FRAS1: variants seen among roughly 807,000 people sequenced by gnomAD.
FRAS1 encodes the protein Fraser extracellular matrix complex subunit 1, also known as extracellular matrix organizing protein FRAS1.
A neutral mutation model predicts 435.2 loss-of-function variants in FRAS1; 290 were observed. The ratio of observed to expected loss-of-function variants is 0.67; its 90% confidence interval spans 0.61 to 0.73. FRAS1 has a LOEUF of 0.73. Among genes scored for constraint, FRAS1 ranks in the 30% least tolerant of loss-of-function variants. The pLI, the probability that FRAS1 is intolerant of heterozygous loss-of-function variation, is 0.00. For missense variants in FRAS1, 4,860 were observed against 5,001.5 expected (o/e 0.97, Z 0.85); for synonymous variants, 1,800 against 1,851.0 (o/e 0.97, Z 0.71).
At chr4:78,175,794 T>A (rs1259054726) in intron 2 of FRAS1, among the ~76,000 whole-genome samples, 1 of 152,126 alleles carries the variant, frequency 6.6e-6, no homozygotes, top group Non-Finnish European at 1.5e-5. Context: ...CCACCCTCCC[T>A]CTGATCTTCT....
intron 6 of FRAS1, among the ~76,000 whole-genome samples, chr4:78,260,134 T>C (rs1186836703): frequency 1.3e-5 from 2 of 151,942 alleles, no homozygotes; most frequent in Non-Finnish European, 2.9e-5. Flanking sequence ...AGTCAGGTAG[T>C]GTGATGCCTC....
intron 2 of FRAS1, among the ~76,000 whole-genome samples, chr4:78,143,651 T>G (rs566968287): frequency 1.1e-3 from 167 of 151,938 alleles, no homozygotes; most frequent in Non-Finnish European, 1.9e-3. Flanking sequence ...GTCCCAGCAC[T>G]TTGGGAGGCC....
chr4:78,384,055 T>A lies in FRAS1; in HGVS notation c.3564-4T>A, dbSNP rs1393574784. On this transcript the variant is annotated splice_polypyrimidine_tract_variant and splice_region_variant and intron_variant, in intron 27 of 73. Transcript: ENST00000512123. ...TCTTATTCCTTTCTTTGGGACTTCT[T>A]TAGGAAAGGTTACCTTTTCCTGAAA... 6.2e-7 allele frequency: 1 copy of A among 1,602,642 alleles called. No individual in the cohort carries two copies. Among genetic ancestry groups the A allele is most frequent in the East Asian group, 2.2e-5 (1 of 44,670 alleles).
intron 14 of FRAS1, among the ~76,000 whole-genome samples, chr4:78,301,702 T>G (rs1477771081): frequency 6.6e-6 from 1 of 152,142 alleles, no homozygotes; most frequent in Non-Finnish European, 1.5e-5. Flanking sequence ...TGGAGGACCA[T>G]CTGATTTCAT....
chr4:78,539,215 C>T lies in FRAS1; in HGVS notation c.11299-79C>T, dbSNP rs1175288680. 1.7e-5 allele frequency: 24 copies of T among 1,412,436 alleles called. 1 individual carries two copies. In the South Asian group the frequency reaches 2.7e-4, roughly 16 times the overall value. The allele number at this position is 1,412,436 out of a possible 1,614,324, so 87.5% of individuals were successfully genotyped here. On this transcript the variant is annotated intron_variant, in intron 72 of 73. Transcript: ENST00000512123. ...AAAGCCAGGAGTGATGAGTACTTTT[C>T]TCCTCCCAGTCACTGCCACCTACCA...
chr4:78,453,363 G>A (rs1194183437), intron 47 of FRAS1, among the ~76,000 whole-genome samples: 2 of 152,184 alleles, frequency 1.3e-5, no homozygotes, highest in East Asian at 1.9e-4. Context: ...AGAATAATGC[G>A]AGAGAGAATT....
chr4:78,357,127 C>T (rs1231231121), intron 20 of FRAS1, among the ~76,000 whole-genome samples: 3 of 152,176 alleles, frequency 2.0e-5, no homozygotes, highest in African/African-American at 7.2e-5. Flanking sequence ...AAACATTCTC[C>T]CCCTGCCCTG....
intron 2 of FRAS1, among the ~76,000 whole-genome samples, chr4:78,081,632 A>T (rs1001982632): frequency 1.3e-5 from 2 of 152,098 alleles, no homozygotes; most frequent in Admixed American, 6.6e-5. Context: ...GAACCTTATC[A>T]CTAGCTTTCC....
At chr4:78,141,620 A>C (rs1720185988) in intron 2 of FRAS1, among the ~76,000 whole-genome samples, 1 of 152,208 alleles carries the variant, frequency 6.6e-6, no homozygotes, top group Non-Finnish European at 1.5e-5. Context: ...TTTTAGTACA[A>C]TAATGGGGCT....
At chr4:78,094,836 T>C (rs1317483735) in intron 2 of FRAS1, among the ~76,000 whole-genome samples, 1 of 152,190 alleles carries the variant, frequency 6.6e-6, no homozygotes, top group Admixed American at 6.5e-5. Context: ...TGTTGGACCT[T>C]GGGCAAGTTA....
At chr4:78,123,501 C>T (rs948979694) in intron 2 of FRAS1, among the ~76,000 whole-genome samples, 3 of 152,048 alleles carry the variant, frequency 2.0e-5, no homozygotes. Flanking sequence ...TAGTTTTTTC[C>T]AGTTCTGTGA....
chr4:78,244,779 T>C (rs1386394410), intron 3 of FRAS1, among the ~76,000 whole-genome samples: 1 of 152,182 alleles, frequency 6.6e-6, no homozygotes, highest in Non-Finnish European at 1.5e-5. Context: ...TCCTGCAACC[T>C]CCTGTCCCAG....
intron 6 of FRAS1, among the ~76,000 whole-genome samples, chr4:78,259,905 C>T (rs1725993040): frequency 6.6e-6 from 1 of 152,114 alleles, no homozygotes; most frequent in South Asian, 2.1e-4. Flanking sequence ...GGAAGGGATC[C>T]GATTTCAGCT....
At chr4:78,214,731 G>A (rs912974331) in intron 2 of FRAS1, among the ~76,000 whole-genome samples, 2 of 152,190 alleles carry the variant, frequency 1.3e-5, no homozygotes, top group Non-Finnish European at 2.9e-5. Flanking sequence ...GCCCTGTACT[G>A]TGGGCAAGTG....
intron 2 of FRAS1, among the ~76,000 whole-genome samples, chr4:78,185,742 A>G: frequency 6.6e-6 from 1 of 152,206 alleles, no homozygotes; most frequent in Non-Finnish European, 1.5e-5. Flanking sequence ...GTAGACAGCT[A>G]ATAAGTGCAA....
chr4:78,195,572 A>C (rs565689127), intron 2 of FRAS1, among the ~76,000 whole-genome samples: 19 of 152,352 alleles, frequency 1.2e-4, no homozygotes, highest in Admixed American at 1.2e-3. Context: ...CCTTCGAGCC[A>C]GGCGTGGGAT....
intron 3 of FRAS1, among the ~76,000 whole-genome samples, chr4:78,244,264 A>ATG (rs1282147051): frequency 1.6e-4 from 25 of 152,090 alleles, no homozygotes; most frequent in Admixed American, 3.3e-4. Context: ...ATTAACACAC[A>ATG]CGCACACACA....
chr4:78,165,987 G>T (rs1333865498), intron 2 of FRAS1, among the ~76,000 whole-genome samples: 1 of 152,088 alleles, frequency 6.6e-6, no homozygotes, highest in Non-Finnish European at 1.5e-5. Context: ...CTCATTGAAA[G>T]GTCATGGAAA....
intron 2 of FRAS1, among the ~76,000 whole-genome samples, chr4:78,216,183 G>T (rs1166047438): frequency 6.6e-6 from 1 of 152,190 alleles, no homozygotes; most frequent in African/African-American, 2.4e-5. Context: ...TTAAATGGAA[G>T]GGAAACAAAA....
Sources: allele counts gnomAD v4.1 joint callset (sites outside exome capture counted in the v4.1 genomes callset), GRCh38; gene constraint gnomAD v4.1.1; transcripts MANE v1.5; gene names NCBI Gene and HGNC (gene_info 2026-07-23, HGNC 2026-07-21).